The following ADGRD1 variants were observed in gnomAD, a reference collection of about 807,000 sequenced individuals.
ADGRD1 encodes adhesion G protein-coupled receptor D1, also known as G-protein coupled receptor 133.
ADGRD1 carries 77 observed loss-of-function variants against 113.4 expected under a neutral mutation model. The ratio of observed to expected loss-of-function variants is 0.68; its 90% CI spans 0.57 to 0.82. ADGRD1 has a LOEUF of 0.82. Ranked by LOEUF, ADGRD1 falls within the 40% of genes least tolerant of loss-of-function variation. The probability of loss-of-function intolerance (pLI) is 0.00; values close to 1 mark genes in which losing one functional copy is unlikely to be tolerated. For synonymous variants in ADGRD1, 474 were observed against 475.0 expected (o/e 1.00, Z 0.03); for missense variants, 1,036 against 1,139.1 (o/e 0.91, Z 1.30).
chr12:130,966,679 G>A lies in ADGRD1; in HGVS notation c.187+133G>A, dbSNP rs921560375. ...ACGTGGGTGCTGAGAGTGACTGTGG[G>A]CCGGGGAATCCCAGGGCCATCGGGG... On this transcript the variant is annotated intron_variant, in intron 3 of 24. Coordinates refer to ENST00000261654, the MANE Select transcript of ADGRD1 (RefSeq NM_198827.5). The surrounding 1 kb of genome is among the most constrained non-coding windows in gnomAD (Gnocchi z 4.6). The A allele has an allele frequency of 3.0e-6, 2 of 671,294 alleles. No homozygotes were observed. Among genetic ancestry groups the A allele is most frequent in the African/African-American group, 1.8e-5 (1 of 55,990 alleles). 41.6% of individuals were successfully genotyped at this position (671,294 alleles called of 1,614,324 possible). A position where few individuals can be genotyped will look rare whatever the true frequency, so the allele number is the denominator to read the frequency against.
intron 22 of ADGRD1, among the ~76,000 whole-genome samples, chr12:131,136,750 G>A (rs942803292): frequency 7.9e-5 from 12 of 152,218 alleles, no homozygotes; most frequent in Non-Finnish European, 1.5e-4. Context: ...CTATGCCCAC[G>A]CAGCACCCCC....
rs1234375060 is a variant in ADGRD1 at position 131,104,944 on chromosome 12, C to T, written c.1775+10C>T. The T allele has an allele frequency of 3.9e-6, 6 of 1,532,440 alleles. No individual in the cohort carries two copies. In the African/African-American group the frequency reaches 5.5e-5, roughly 14 times the overall value. The allele number at this position is 1,532,440 out of a possible 1,614,324, so 94.9% of individuals were successfully genotyped here. On this transcript the variant is annotated intron_variant, in intron 16 of 24. Coordinates refer to ENST00000261654, the MANE Select transcript of ADGRD1 (RefSeq NM_198827.5). ...CCTTCGCCGTGCTGTCGTGAGTCCC[C>T]TTTTCTAATCCACCCAACAGTCTCT...
chr12:131,036,474 G>GTCTTACT (rs1353737529), intron 13 of ADGRD1, among the ~76,000 whole-genome samples: 1 of 147,244 alleles, frequency 6.8e-6, no homozygotes, highest in Non-Finnish European at 1.5e-5. Context: ...CACTGCATGG[G>GTCTTACT]GCCTCACTCA....
intron 18 of ADGRD1, among the ~76,000 whole-genome samples, chr12:131,111,589 C>T (rs1229806280): frequency 6.6e-6 from 1 of 151,704 alleles, no homozygotes; most frequent in African/African-American, 2.4e-5. Flanking sequence ...AGTACAGCTT[C>T]TAAGACTCTT....
In ADGRD1 at chr12:131,115,819, C is replaced by T. The variant is rs76840804; in HGVS notation, c.2042-2566C>T. On this transcript the variant is annotated intron_variant, in intron 18 of 24. Coordinates refer to ENST00000261654, the MANE Select transcript of ADGRD1 (RefSeq NM_198827.5). ...TTGATGATACAGATTATTGCAAGAT[C>T]AGCTTCATCATCGAGGGGCTCATCA... is the stretch of plus-strand genomic sequence containing the variant. 8.2e-3 allele frequency among the ~76,000 whole-genome samples: 1,246 copies of T among 152,206 alleles called. 20 individuals are homozygous for T. Among genetic ancestry groups the T allele is most frequent in the African/African-American group, 0.029 (1,188 of 41,520 alleles).
intron 2 of ADGRD1, among the ~76,000 whole-genome samples, chr12:130,960,227 C>T (rs1021035049): frequency 6.6e-5 from 10 of 152,220 alleles, no homozygotes; most frequent in Non-Finnish European, 1.3e-4. Flanking sequence ...CAGCAGTTTC[C>T]TGGTCCTGGG....
At chr12:131,062,663 A>C (rs1884428252) in intron 13 of ADGRD1, among the ~76,000 whole-genome samples, 1 of 152,148 alleles carries the variant, frequency 6.6e-6, no homozygotes, top group Admixed American at 6.5e-5. Context: ...GCCATGTAAG[A>C]CCGGACTTTG....
At chr12:130,987,771 G>A in intron 6 of ADGRD1, 1 of 206,394 alleles carries the variant, frequency 4.8e-6, no homozygotes, top group Non-Finnish European at 9.9e-6. Flanking sequence ...CCTGTGGGTA[G>A]GTGGACTGGG....
intron 15 of ADGRD1, among the ~76,000 whole-genome samples, chr12:131,098,576 C>T (rs949968460): frequency 6.6e-6 from 1 of 152,092 alleles, no homozygotes; most frequent in African/African-American, 2.4e-5. Flanking sequence ...GACAGATGGC[C>T]AGTGGTGAGA....
At chr12:131,137,790 A>C in intron 23 of ADGRD1, 1 of 315,642 alleles carries the variant, frequency 3.2e-6, no homozygotes, top group Non-Finnish European at 6.2e-6. Flanking sequence ...CGGTGGCAGG[A>C]AGGCAGTGCA....
chr12:131,052,173 G>A (rs1160282177), intron 13 of ADGRD1, among the ~76,000 whole-genome samples: 1 of 152,192 alleles, frequency 6.6e-6, no homozygotes, highest in East Asian at 1.9e-4. Context: ...AGGGGAGGCT[G>A]CTGCTGCTCC....
chr12:131,020,808 GGATGGCCAGTGT>G (rs1335605755), intron 13 of ADGRD1, among the ~76,000 whole-genome samples: 1 of 152,224 alleles, frequency 6.6e-6, no homozygotes, highest in African/African-American at 2.4e-5. Flanking sequence ...GCCAGGCCCG[GGATGGCCAGTGT>G]GAGGAGCAGC....
intron 13 of ADGRD1, among the ~76,000 whole-genome samples, chr12:131,051,546 A>G (rs1883396488): frequency 6.8e-6 from 1 of 147,814 alleles, no homozygotes; most frequent in Non-Finnish European, 1.5e-5. Flanking sequence ...GGCAGTGGCG[A>G]TATCTTGGCT....
At chr12:131,118,301 AGAAAG>A (rs764562030) in intron 18 of ADGRD1, 79 bp from the exon 19 acceptor site, 275 of 943,698 alleles carry the variant, frequency 2.9e-4, no homozygotes, top group Non-Finnish European at 2.1e-4. Flanking sequence ...CAAGGAATGA[AGAAAG>A]GAAGGGAGGG....
chr12:131,026,769 A>C (rs1880009045), intron 13 of ADGRD1: 1 of 152,190 alleles, frequency 6.6e-6, no homozygotes, highest in South Asian at 2.1e-4. Context: ...GTCTCTAGGC[A>C]TCGCCAATAT....
chr12:131,136,850 A>G, intron 22 of ADGRD1, 123 bp from the exon 23 acceptor site: 3 of 823,074 alleles, frequency 3.6e-6, no homozygotes, highest in Non-Finnish European at 6.4e-6. Flanking sequence ...GCCCCAGGTC[A>G]TGGGACCTGG....
At chr12:131,112,289 T>C (rs1291527276) in intron 18 of ADGRD1, among the ~76,000 whole-genome samples, 1 of 152,232 alleles carries the variant, frequency 6.6e-6, no homozygotes, top group Non-Finnish European at 1.5e-5. Context: ...TCTCTACTTA[T>C]GTTTGTATGA....
rs765280775 is a variant in ADGRD1 at position 131,014,349 on chromosome 12, C to T, written c.1473+9C>T. The T allele has an allele frequency of 3.8e-5, 61 of 1,608,072 alleles. No homozygotes were observed. The highest frequency in any genetic ancestry group is 6.6e-5 in the South Asian group (6 of 90,340). On this transcript the variant is annotated intron_variant, in intron 13 of 24. Coordinates refer to ENST00000261654, the MANE Select transcript of ADGRD1 (RefSeq NM_198827.5). ...ACCTCAAGCACAGATTGGTGAGTGG[C>T]GGTGCCTTCACCCTTGTCGCCGCCT... is the stretch of plus-strand genomic sequence containing the variant.
intron 20 of ADGRD1, among the ~76,000 whole-genome samples, chr12:131,129,272 G>T (rs185763352): frequency 2.1e-5 from 2 of 95,496 alleles, no homozygotes; most frequent in East Asian, 3.2e-4. Flanking sequence ...GTGACAGGCC[G>T]GCCCTCCTGT....
Sources: gnomAD v4.1 joint callset for allele counts (sites outside exome capture counted in the v4.1 genomes callset) on GRCh38, gnomAD v4.1.1 for gene constraint, Gnocchi (gnomAD v3.1) non-coding constraint, MANE v1.5 for transcripts, NCBI Gene and HGNC (gene_info 2026-07-23, HGNC 2026-07-21) for gene names.